The following ZFYVE1 variants were observed in gnomAD, a reference collection of about 807,000 sequenced individuals.
ZFYVE1 encodes zinc finger FYVE domain-containing protein 1.
ZFYVE1 carries 30 observed loss-of-function variants against 74.4 expected under a neutral mutation model. The ratio of observed to expected loss-of-function variants is 0.40; its 90% CI spans 0.30 to 0.55. The LOEUF (loss-of-function observed/expected upper bound fraction) is 0.55, where lower values mean the gene tolerates loss of function less well. ZFYVE1 is among the 20% of genes least tolerant of loss of function. The probability of loss-of-function intolerance (pLI) is 0.42; values close to 1 mark genes in which losing one functional copy is unlikely to be tolerated. For synonymous variants in ZFYVE1, 335 were observed against 385.1 expected, an observed-to-expected ratio of 0.87 and a Z score of 1.52; for missense variants, 703 against 1,011.6, an observed-to-expected ratio of 0.69 and a Z score of 4.14.
Position 72,978,235 on chromosome 14 carries a change from C to A in ZFYVE1, c.1420-1G>T. The stretch of plus-strand genomic sequence containing the variant: ...CTTCCTCGCCTCTCTCATAGCAGGC[C>A]TGAAACAGGAAACACTCTGCTAGCT... On this transcript the variant is annotated splice_acceptor_variant, in intron 6 of 11. Transcript: ENST00000556143. LOFTEE classifies it high-confidence loss of function. 6.2e-7 allele frequency: 1 copy of A among 1,613,534 alleles called. No homozygotes were observed. Among genetic ancestry groups the A allele is most frequent in the Non-Finnish European group, 8.5e-7 (1 of 1,179,586 alleles).
intron 4 of ZFYVE1, chr14:72,986,825 C>T (rs375417652): frequency 8.0e-5 from 77 of 964,442 alleles, no homozygotes; most frequent in South Asian, 3.3e-4. Context: ...CCACTGCGCC[C>T]GGCCCTGATT....
chr14:73,008,461 T>TA (rs1228554195), intron 2 of ZFYVE1, among the ~76,000 whole-genome samples: 1 of 152,076 alleles, frequency 6.6e-6, no homozygotes, highest in Non-Finnish European at 1.5e-5. Flanking sequence ...CCTGGCCTAA[T>TA]AAAAGTGTTT....
intron 4 of ZFYVE1, among the ~76,000 whole-genome samples, chr14:72,983,422 A>G (rs955809197): frequency 7.3e-6 from 1 of 136,524 alleles, no homozygotes; most frequent in Non-Finnish European, 1.5e-5. Flanking sequence ...TCATTGTTCA[A>G]TTCCCACCTA....
intron 4 of ZFYVE1, among the ~76,000 whole-genome samples, chr14:72,983,438 G>A (rs1893395178): frequency 6.9e-6 from 1 of 144,304 alleles, no homozygotes; most frequent in African/African-American, 2.6e-5. Context: ...ACCTATAAGT[G>A]AGAACATGCG....
intron 2 of ZFYVE1, among the ~76,000 whole-genome samples, chr14:73,020,241 CAGAGTG>C: frequency 9.9e-6 from 1 of 100,738 alleles, no homozygotes; most frequent in South Asian, 3.6e-4. Context: ...TGCTGGGTGA[CAGAGTG>C]AGACTCCATC....
At position 72,970,657 on chromosome 14, in the gene ZFYVE1, C is replaced by T. The variant is rs1276448532; in HGVS notation, c.*225G>A. 2 of 587,226 alleles carry T rather than the reference C, an allele frequency of 3.4e-6. No individual in the cohort carries two copies. Among genetic ancestry groups the T allele is most frequent in the African/African-American group, 3.7e-5 (2 of 53,666 alleles). The allele number at this position is 587,226 out of a possible 1,614,324, so 36.4% of individuals were successfully genotyped here. On this transcript the variant is annotated 3_prime_UTR_variant, in exon 12 of 12. Coordinates refer to ENST00000556143, the MANE Select transcript of ZFYVE1 (RefSeq NM_021260.4). ...TTAACTGAAATAAATGCAACGGATT[C>T]AGGTTCATTCCCCTTTGCGATAAGT...
Position 72,983,342 on chromosome 14 carries a change from C to A in ZFYVE1, c.1204-1447G>T, listed in dbSNP as rs182161413. On this transcript the variant is annotated intron_variant, in intron 4 of 11. Coordinates refer to ENST00000556143, the MANE Select transcript of ZFYVE1 (RefSeq NM_021260.4). ...AGGTGTATCTCCTAATGCTATCCTT[C>A]CCCCCTCCCCCCCACCCCACCACAG... Among the ~76,000 whole-genome samples, 588 of 125,602 alleles carry A rather than the reference C, an allele frequency of 4.7e-3. 3 individuals carry two copies. Among genetic ancestry groups the A allele is most frequent in the African/African-American group, 0.016 (542 of 33,498 alleles). The allele number at this position is 125,602 out of a possible 152,430, so 82.4% of individuals were successfully genotyped here.
chr14:73,017,148 A>T (rs1171177161), intron 2 of ZFYVE1, among the ~76,000 whole-genome samples: 1 of 151,906 alleles, frequency 6.6e-6, no homozygotes, highest in Non-Finnish European at 1.5e-5. Context: ...TGAAGGAAAA[A>T]CTGATGTTTG....
intron 2 of ZFYVE1, among the ~76,000 whole-genome samples, chr14:73,015,795 C>A (rs1166403877): frequency 6.6e-6 from 1 of 152,170 alleles, no homozygotes; most frequent in Non-Finnish European, 1.5e-5. Flanking sequence ...CCAAGCCACA[C>A]GATGGGTCTT....
intron 4 of ZFYVE1, chr14:72,986,777 G>A (rs1013178981): frequency 1.7e-5 from 10 of 594,134 alleles, no homozygotes; most frequent in African/African-American, 2.0e-5. Flanking sequence ...TGATCCACCT[G>A]CCTCAGCCTG....
intron 3 of ZFYVE1, among the ~76,000 whole-genome samples, chr14:72,993,831 G>A (rs1429774003): frequency 6.6e-6 from 1 of 151,656 alleles, no homozygotes; most frequent in Non-Finnish European, 1.5e-5. Flanking sequence ...AGACCATCCT[G>A]GCAACATGGT....
chr14:73,024,140 G>A lies in ZFYVE1; in HGVS notation c.369C>T (p.Val123=). 1 of 1,614,104 alleles carries A rather than the reference G, an allele frequency of 6.2e-7. No individual in the cohort carries two copies. The highest frequency in any genetic ancestry group is 8.5e-7 in the Non-Finnish European group (1 of 1,180,034). The part of the protein sequence containing the change: ...KRRHPVTVYN[V]SNLQESLEAE... ...CCTCCAGTGACTCCTGGAGATTACT[G>A]ACATTGTACACAGTAACAGGGTGTC... Residue 123 remains valine, a synonymous_variant, in exon 2 of 12, where the codon GTC becomes GTT. Transcript: ENST00000556143.
intron 4 of ZFYVE1, among the ~76,000 whole-genome samples, chr14:72,992,621 C>T (rs1320632472): frequency 3.6e-5 from 4 of 111,196 alleles, no homozygotes; most frequent in East Asian, 2.5e-4. Flanking sequence ...AGGTGCCCCC[C>T]CCGCCCCTTG....
chr14:73,015,766 C>T (rs974077676), intron 2 of ZFYVE1, among the ~76,000 whole-genome samples: 1 of 152,162 alleles, frequency 6.6e-6, no homozygotes, highest in African/African-American at 2.4e-5. Flanking sequence ...TATTCTGGGA[C>T]TGTAAACAAG....
At chr14:72,974,260 C>T in intron 10 of ZFYVE1, 67 bp from the exon 11 acceptor site, 3 of 1,447,102 alleles carry the variant, frequency 2.1e-6, no homozygotes, top group Admixed American at 3.4e-5. Context: ...ACTCAGGGAC[C>T]AATAGCAGAA....
At position 73,026,957 on chromosome 14, in the gene ZFYVE1, T is replaced by G; in HGVS notation, c.-466A>C. ...GAAGCTCGGCCGCAGCAAGGCGGCG[T>G]CGGGGGGCCGCAGGGCGCCAGTGGG... On this transcript the variant is annotated 5_prime_UTR_variant, in exon 1 of 12. Transcript: ENST00000556143. 1 of 398,418 alleles carries G rather than the reference T, an allele frequency of 2.5e-6. No individual in the cohort carries two copies. Among genetic ancestry groups the G allele is most frequent in the Non-Finnish European group, 4.4e-6 (1 of 226,204 alleles). 24.7% of individuals were successfully genotyped at this position (398,418 alleles called of 1,614,324 possible). A position where few individuals can be genotyped will look rare whatever the true frequency, so the allele number is the denominator to read the frequency against.
At chr14:73,009,048 G>A (rs561194488) in intron 2 of ZFYVE1, among the ~76,000 whole-genome samples, 5 of 152,272 alleles carry the variant, frequency 3.3e-5, no homozygotes, top group South Asian at 2.1e-4. Context: ...GTTCACTACC[G>A]TAACCTTAGC....
chr14:73,016,777 G>A (rs1438539284), intron 2 of ZFYVE1, among the ~76,000 whole-genome samples: 8 of 151,838 alleles, frequency 5.3e-5, no homozygotes, highest in African/African-American at 1.9e-4. Context: ...AGGAGGCTGA[G>A]GCAGGAGAAT....
chr14:72,978,969 C>G lies in ZFYVE1; in HGVS notation c.1311G>C (p.Gly437=), dbSNP rs373830259. The change falls in exon 6 of 12, where the codon GGG becomes GGC. Residue 437 remains glycine, a splice_region_variant and synonymous_variant. Coordinates refer to ENST00000556143, the MANE Select transcript of ZFYVE1 (RefSeq NM_021260.4). ...GATTCATGCTTTTCTTACATCCAAC[C>G]CTGAATGAAGCCCAAAGACTGACAA... ...FTCSSLCLSC[G]VGCKKSMNHG... 6.2e-7 allele frequency: 1 copy of G among 1,613,524 alleles called. No individual in the cohort carries two copies. Among genetic ancestry groups the G allele is most frequent in the African/African-American group, 1.3e-5 (1 of 75,018 alleles).
Sources: allele counts gnomAD v4.1 joint callset (sites outside exome capture counted in the v4.1 genomes callset), GRCh38; gene constraint gnomAD v4.1.1; transcripts MANE v1.5; gene names NCBI Gene and HGNC (gene_info 2026-07-23, HGNC 2026-07-21).